DAPP1: variants seen among roughly 807,000 people sequenced by gnomAD.
The protein encoded by DAPP1 is dual adaptor of phosphotyrosine and 3-phosphoinositides 1.
Under a neutral mutation model 41.5 loss-of-function variants are expected in DAPP1, and 20 were observed. The observed-to-expected ratio is 0.48, with a 90% confidence interval of 0.34 to 0.70. The LOEUF (loss-of-function observed/expected upper bound fraction) is 0.70. DAPP1 is among the 30% of genes least tolerant of loss of function. The pLI, the probability that DAPP1 is intolerant of heterozygous loss-of-function variation, is 0.01. For synonymous variants in DAPP1, 113 were observed against 116.2 expected (o/e 0.97, Z 0.18); for missense variants, 233 against 333.4 (o/e 0.70, Z 2.35).
chr4:99,821,460 A>T (rs79140816), intron 1 of DAPP1, among the ~76,000 whole-genome samples: 1 of 152,224 alleles, frequency 6.6e-6, no homozygotes, highest in South Asian at 2.1e-4. Context: ...AGTAATGGCA[A>T]TTAGTAATTA....
chr4:99,838,710 C>T (rs1465000581), intron 2 of DAPP1, among the ~76,000 whole-genome samples: 1 of 152,230 alleles, frequency 6.6e-6, no homozygotes, highest in Non-Finnish European at 1.5e-5. Context: ...TGGTTCCTAA[C>T]AGGTACCCAG....
chr4:99,853,853 G>A (rs1723953734), intron 4 of DAPP1, among the ~76,000 whole-genome samples: 2 of 152,092 alleles, frequency 1.3e-5, no homozygotes, highest in Admixed American at 6.5e-5. Flanking sequence ...AATAGTAATA[G>A]GATTTTAAAT....
chr4:99,841,641 T>C (rs934940062), intron 3 of DAPP1, among the ~76,000 whole-genome samples: 1 of 152,216 alleles, frequency 6.6e-6, no homozygotes, highest in Non-Finnish European at 1.5e-5. Context: ...TCAGTCTCCT[T>C]TCCTGCTTGC....
intron 3 of DAPP1, among the ~76,000 whole-genome samples, chr4:99,845,580 C>A: frequency 6.6e-6 from 1 of 152,164 alleles, no homozygotes; most frequent in Non-Finnish European, 1.5e-5. Flanking sequence ...TAGTCCTATC[C>A]CTCAGTCTCT....
chr4:99,866,428 T>G, intron 8 of DAPP1: 1 of 692,134 alleles, frequency 1.4e-6, no homozygotes, highest in South Asian at 1.5e-5. Flanking sequence ...GGGGGACATT[T>G]AGAACCAGAA....
intron 4 of DAPP1, among the ~76,000 whole-genome samples, chr4:99,853,615 AG>A (rs1354595917): frequency 6.6e-6 from 1 of 152,188 alleles, no homozygotes; most frequent in African/African-American, 2.4e-5. Flanking sequence ...TGAGCCCAGG[AG>A]TTGGAGACCA....
In DAPP1 at chr4:99,836,332, C is replaced by G. The variant is rs755950189; in HGVS notation, c.224+587C>G. On this transcript the variant is annotated intron_variant, in intron 2 of 8. Coordinates refer to ENST00000512369, the MANE Select transcript of DAPP1 (RefSeq NM_014395.3). Reference sequence around the variant, plus strand: ...TTCAGGTCCTCCCCACCTCACACCCCCTTCTTTCTGTCTGGTGCCCCAGAT... The same window carrying G: ...TTCAGGTCCTCCCCACCTCACACCCGCTTCTTTCTGTCTGGTGCCCCAGAT... Among the ~76,000 whole-genome samples the G allele has an allele frequency of 3.3e-5, 5 of 152,192 alleles. No homozygotes were observed. The East Asian group carries it at 7.7e-4, about 23-fold the overall frequency.
At chr4:99,852,677 C>G (rs932369010) in intron 3 of DAPP1, among the ~76,000 whole-genome samples, 1 of 152,130 alleles carries the variant, frequency 6.6e-6, no homozygotes, top group Non-Finnish European at 1.5e-5. Context: ...AGAATGCTCA[C>G]TTTTTTGAAA....
At chr4:99,866,766 A>AT (rs11315402) in intron 8 of DAPP1, 14,026 of 370,132 alleles carry the variant, frequency 0.038, 30 homozygotes, top group South Asian at 0.054. Context: ...CTTTTTTTCT[A>AT]TTTTTTTTTT....
chr4:99,846,029 C>T (rs922557880), intron 3 of DAPP1, among the ~76,000 whole-genome samples: 9 of 152,024 alleles, frequency 5.9e-5, no homozygotes, highest in Non-Finnish European at 2.9e-5. Flanking sequence ...CTTATTTGGG[C>T]CTGTATGCTT....
chr4:99,855,259 G>T (rs1724005571), intron 4 of DAPP1, among the ~76,000 whole-genome samples: 1 of 152,020 alleles, frequency 6.6e-6, no homozygotes, highest in Non-Finnish European at 1.5e-5. Flanking sequence ...TCTTTCATTT[G>T]CCCTGTTAGT....
At chr4:99,860,559 T>C (rs1174663785) in intron 4 of DAPP1, among the ~76,000 whole-genome samples, 2 of 152,238 alleles carry the variant, frequency 1.3e-5, no homozygotes, top group Non-Finnish European at 2.9e-5. Context: ...CTTACTTTTA[T>C]ATCATAAGAT....
chr4:99,863,718 G>GTTTTTT, intron 6 of DAPP1, 52 bp from the exon 7 acceptor site: 4 of 884,558 alleles, frequency 4.5e-6, no homozygotes, highest in East Asian at 3.0e-5. Context: ...AGATTTGTCT[G>GTTTTTT]TTTTTTTTTT....
intron 4 of DAPP1, among the ~76,000 whole-genome samples, chr4:99,857,572 C>T (rs1724087280): frequency 6.6e-6 from 1 of 151,856 alleles, no homozygotes; most frequent in African/African-American, 2.4e-5. Context: ...TATAGTTCCT[C>T]TTCTTGGATA....
chr4:99,858,895 A>C (rs1724140322), intron 4 of DAPP1, among the ~76,000 whole-genome samples: 1 of 150,620 alleles, frequency 6.6e-6, no homozygotes, highest in Non-Finnish European at 1.5e-5. Context: ...CCTCAAAAAA[A>C]ATTTTTTTTT....
intron 3 of DAPP1, 113 bp downstream of exon 3, chr4:99,840,535 T>C (rs1473948069): frequency 8.0e-7 from 1 of 1,243,938 alleles, no homozygotes; most frequent in Non-Finnish European, 1.1e-6. Context: ...CAGCATTATC[T>C]TGAAGAGAAA....
chr4:99,870,936 T>C (rs2110174096), downstream of DAPP1, among the ~76,000 whole-genome samples: 1 of 152,306 alleles, frequency 6.6e-6, no homozygotes, highest in Non-Finnish European at 1.5e-5. Context: ...TTTCTCCTTA[T>C]GATATCTTTG....
chr4:99,843,247 C>A (rs1018353510), intron 3 of DAPP1, among the ~76,000 whole-genome samples: 1 of 152,172 alleles, frequency 6.6e-6, no homozygotes, highest in African/African-American at 2.4e-5. Context: ...ATCCAAATAG[C>A]CAAAACTTTA....
intron 7 of DAPP1, 176 bp downstream of exon 7, chr4:99,864,031 TAAAC>T (rs1724334395): frequency 7.8e-6 from 4 of 512,052 alleles, no homozygotes; most frequent in Non-Finnish European, 3.4e-6. Flanking sequence ...TAAAGTAGCT[TAAAC>T]AAACAGGCAG....
Sources: allele counts gnomAD v4.1 joint callset (sites outside exome capture counted in the v4.1 genomes callset), GRCh38; gene constraint gnomAD v4.1.1; transcripts MANE v1.5; gene names NCBI Gene and HGNC (gene_info 2026-07-23, HGNC 2026-07-21).